The following YKT6 variants were observed in gnomAD, a reference collection of about 807,000 sequenced individuals.
YKT6 encodes synaptobrevin homolog YKT6.
In YKT6, 12 loss-of-function variants were observed where a neutral mutation model predicts 29.3. That is an observed-to-expected ratio of 0.41 (90% CI 0.26 to 0.66). YKT6 has a LOEUF of 0.66. Among genes scored for constraint, YKT6 ranks in the 30% least tolerant of loss-of-function variants. YKT6 has a pLI of 0.32. For synonymous variants in YKT6, 86 were observed against 94.3 expected (o/e 0.91, Z 0.51); for missense variants, 188 against 243.8 (o/e 0.77, Z 1.52).
chr7:44,201,547 A>G (rs1445298772), intron 1 of YKT6, among the ~76,000 whole-genome samples: 2 of 152,222 alleles, frequency 1.3e-5, no homozygotes, highest in Admixed American at 6.5e-5. Context: ...ATTCTAGAAT[A>G]TAGTTCTCTA....
chr7:44,212,363 C>A lies in YKT6; in HGVS notation c.*81C>A. ...CAGCCCCTGGAAAAGAAGAGACAGC[C>A]ATAGACGAGGAGCCAGAGTGGGGGC... On this transcript the variant is annotated 3_prime_UTR_variant, in exon 7 of 7. Coordinates refer to ENST00000223369, the MANE Select transcript of YKT6 (RefSeq NM_006555.4). 1 of 1,565,928 alleles carries A rather than the reference C, an allele frequency of 6.4e-7. No individual in the cohort carries two copies. Among genetic ancestry groups the A allele is most frequent in the South Asian group, 1.1e-5 (1 of 88,416 alleles).
chr7:44,202,876 G>C (rs1237726291), intron 1 of YKT6, among the ~76,000 whole-genome samples: 1 of 152,096 alleles, frequency 6.6e-6, no homozygotes, highest in African/African-American at 2.4e-5. Flanking sequence ...CTGTGTTGTT[G>C]CTTTTCTCAG....
rs1267675271 is a variant in YKT6 at position 44,204,608 on chromosome 7, G to C, written c.145G>C (p.Glu49Gln). The stretch of plus-strand genomic sequence containing the variant: ...GACCTTCACGAGTCAACTGATTGTG[G>C]AGCGCTCATCGAAAGGCACTAGAGC... Reference protein sequence around the residue: ...FMTFTSQLIVERSSKGTRASV... With the variant: ...FMTFTSQLIVQRSSKGTRASV... Residue 49 changes from glutamate to glutamine, a missense_variant, in exon 2 of 7, where the codon GAG becomes CAG. This residue lies in a region of YKT6 where 71 missense variants were observed against 67.3 expected (regional missense o/e 1.05). Coordinates refer to ENST00000223369, the MANE Select transcript of YKT6 (RefSeq NM_006555.4). The C allele has an allele frequency of 6.2e-7, 1 of 1,614,174 alleles. No individual in the cohort carries two copies. Among genetic ancestry groups the C allele is most frequent in the East Asian group, 2.2e-5 (1 of 44,886 alleles).
chr7:44,202,578 A>G (rs140565852), intron 1 of YKT6, among the ~76,000 whole-genome samples: 1 of 152,312 alleles, frequency 6.6e-6, no homozygotes, highest in African/African-American at 2.4e-5. Context: ...AGGCTCATGC[A>G]TCTTGTTGCA....
At chr7:44,202,031 T>A (rs1583643556) in intron 1 of YKT6, among the ~76,000 whole-genome samples, 1 of 152,168 alleles carries the variant, frequency 6.6e-6, no homozygotes, top group Admixed American at 6.5e-5. Flanking sequence ...CACAGACACT[T>A]CCAGACCATT....
Position 44,211,092 on chromosome 7 carries a change from C to G in YKT6, c.529C>G (p.Leu177Val). Residue 177 changes from leucine to valine, a missense_variant, in exon 6 of 7, where the codon CTG becomes GTG. By Grantham distance (32) the Leu-to-Val change is conservative. Transcript: ENST00000223369. Reference protein sequence around the residue: ...LDDLVSKSEVLGTQSKAFYKT... With the variant: ...LDDLVSKSEVVGTQSKAFYKT... ...TGACTTGGTGTCCAAATCCGAGGTG[C>G]TGGGAACACAGTCTAAAGCCTTCTA... The G allele has an allele frequency of 6.2e-7, 1 of 1,613,872 alleles. No individual in the cohort carries two copies. The highest frequency in any genetic ancestry group is 2.2e-5 in the East Asian group (1 of 44,898).
In YKT6 at chr7:44,207,613, C is replaced by G. The variant is rs2096342093; in HGVS notation, c.393+121C>G. ...TCTGACAGCTTCTGATGCTGGTGTC[C>G]TCTCTCAAGCCTTACTGTTTGGAAA... On this transcript the variant is annotated intron_variant, in intron 4 of 6. Coordinates refer to ENST00000223369, the MANE Select transcript of YKT6 (RefSeq NM_006555.4). 7.5e-6 allele frequency: 6 copies of G among 797,600 alleles called. No homozygotes were observed. The South Asian group carries it at 1.0e-4, about 14-fold the overall frequency. The allele number at this position is 797,600 out of a possible 1,614,324, so 49.4% of individuals were successfully genotyped here.
intron 3 of YKT6, among the ~76,000 whole-genome samples, chr7:44,206,957 C>T (rs924105028): frequency 3.3e-5 from 5 of 152,156 alleles, no homozygotes; most frequent in African/African-American, 1.2e-4. Context: ...AAGTCAGAGG[C>T]TTCATCCTAT....
At chr7:44,201,846 G>A (rs2096336076) in intron 1 of YKT6, among the ~76,000 whole-genome samples, 1 of 152,220 alleles carries the variant, frequency 6.6e-6, no homozygotes, top group African/African-American at 2.4e-5. Context: ...GAGGTACCAA[G>A]AGGTTATATC....
rs1583648411 is a variant in YKT6 at position 44,208,293 on chromosome 7, A to G, written c.459+95A>G. 8.0e-6 allele frequency: 11 copies of G among 1,369,002 alleles called. No homozygotes were observed. In the East Asian group the frequency reaches 2.4e-4, roughly 30 times the overall value. 84.8% of individuals were successfully genotyped at this position (1,369,002 alleles called of 1,614,324 possible). ...ACAGATCCATCCTCGTTTTAATATAATAGTAACCACGGCACTCTCCAGCAA... is the reference window on the plus strand; with the variant it reads ...ACAGATCCATCCTCGTTTTAATATAGTAGTAACCACGGCACTCTCCAGCAA... On this transcript the variant is annotated intron_variant, in intron 5 of 6. Transcript: ENST00000223369.
intron 2 of YKT6, among the ~76,000 whole-genome samples, chr7:44,205,281 A>C (rs1364081611): frequency 6.6e-6 from 1 of 152,256 alleles, no homozygotes; most frequent in East Asian, 1.9e-4. Flanking sequence ...ATAGAAGTGA[A>C]ATCGCATCAC....
Position 44,201,251 on chromosome 7 carries a change from A to T in YKT6, c.104+12A>T, listed in dbSNP as rs1455921668. The T allele has an allele frequency of 6.4e-7, 1 of 1,562,510 alleles. No homozygotes were observed. Reference sequence around the variant, plus strand: ...TTCCAGAGATCCAGGTGAGCGGCACAGGCTGGTGGGCCGTGGCGGTCGGGC... The same window carrying T: ...TTCCAGAGATCCAGGTGAGCGGCACTGGCTGGTGGGCCGTGGCGGTCGGGC... On this transcript the variant is annotated intron_variant, in intron 1 of 6. Coordinates refer to ENST00000223369, the MANE Select transcript of YKT6 (RefSeq NM_006555.4).
At chr7:44,206,273 G>A in intron 2 of YKT6, 112 bp from the exon 3 acceptor site, 1 of 1,043,564 alleles carries the variant, frequency 9.6e-7, no homozygotes, top group Non-Finnish European at 1.4e-6. Context: ...GAGCTATTGA[G>A]CTTCCGAGTG....
intron 5 of YKT6, among the ~76,000 whole-genome samples, chr7:44,209,397 C>T (rs770489034): frequency 6.6e-6 from 1 of 152,184 alleles, no homozygotes; most frequent in Non-Finnish European, 1.5e-5. Context: ...CTTTTGAAAC[C>T]TTGTGAGCTT....
chr7:44,212,244 A>G lies in YKT6; in HGVS notation c.562-3A>G. 2 of 1,613,890 alleles carry G rather than the reference A, an allele frequency of 1.2e-6. No individual in the cohort carries two copies. Among genetic ancestry groups the G allele is most frequent in the Non-Finnish European group, 8.5e-7 (1 of 1,179,974 alleles). ...TCTCAGCTCCTCTTTGTTTTTTTCC[A>G]AGGCCCGGAAACAAAACTCATGCTG... is the stretch of plus-strand genomic sequence containing the variant. On this transcript the variant is annotated splice_region_variant and splice_polypyrimidine_tract_variant and intron_variant, in intron 6 of 6. Transcript: ENST00000223369.
At chr7:44,206,344 C>T (rs2096340867) in intron 2 of YKT6, 41 bp from the exon 3 acceptor site, 2 of 1,597,720 alleles carry the variant, frequency 1.3e-6, no homozygotes, top group South Asian at 2.2e-5. Context: ...GTCTGAAGCC[C>T]TCATGTCAGC....
In YKT6 at chr7:44,214,024, G is replaced by A. The variant is rs1427928485; in HGVS notation, c.*1742G>A. Reference sequence around the variant, plus strand: ...CTTTCCCACTTGAGGACCCTGGGGAGAGATGGGGGCGGGGAAAATGGAGGT... The same window carrying A: ...CTTTCCCACTTGAGGACCCTGGGGAAAGATGGGGGCGGGGAAAATGGAGGT... On this transcript the variant is annotated 3_prime_UTR_variant, in exon 7 of 7. Coordinates refer to ENST00000223369, the MANE Select transcript of YKT6 (RefSeq NM_006555.4). 6.5e-6 allele frequency: 1 copy of A among 152,798 alleles called. No homozygotes were observed. The highest frequency in any genetic ancestry group is 2.1e-4 in the South Asian group (1 of 4,836). 9.5% of individuals were successfully genotyped at this position (152,798 alleles called of 1,614,324 possible).
chr7:44,212,396 C>A lies in YKT6; in HGVS notation c.*114C>A. The stretch of plus-strand genomic sequence containing the variant: ...AGGAGCCAGAGTGGGGGCAGACTGG[C>A]CATTTTTATTTTGAAGTTCCTGCGA... On this transcript the variant is annotated 3_prime_UTR_variant, in exon 7 of 7. Coordinates refer to ENST00000223369, the MANE Select transcript of YKT6 (RefSeq NM_006555.4). 1.5e-6 allele frequency: 2 copies of A among 1,370,146 alleles called. No homozygotes were observed. Among genetic ancestry groups the A allele is most frequent in the Non-Finnish European group, 1.0e-6 (1 of 986,068 alleles). The allele number at this position is 1,370,146 out of a possible 1,614,324, so 84.9% of individuals were successfully genotyped here.
intron 6 of YKT6, 40 bp from the exon 7 acceptor site, chr7:44,212,207 G>C (rs75236823): frequency 1.9e-6 from 3 of 1,613,658 alleles, no homozygotes; most frequent in Admixed American, 3.3e-5. Context: ...CCCTTACTTC[G>C]TCAGTCCTCC....
Sources: allele counts gnomAD v4.1 joint callset (sites outside exome capture counted in the v4.1 genomes callset), GRCh38; gene constraint gnomAD v4.1.1; regional missense constraint gnomAD v4.1.1; transcripts MANE v1.5; gene names NCBI Gene and HGNC (gene_info 2026-07-23, HGNC 2026-07-21).